The following OSBPL9 variants were observed in gnomAD, a reference collection of about 807,000 sequenced individuals.
OSBPL9 encodes oxysterol binding protein like 9, also known as oxysterol-binding protein-related protein 9.
OSBPL9 carries 40 observed loss-of-function variants against 106.6 expected under a neutral mutation model. The ratio of observed to expected loss-of-function variants is 0.38; its 90% CI spans 0.29 to 0.49. The LOEUF is 0.49. Ranked by LOEUF, OSBPL9 falls within the 20% of genes least tolerant of loss-of-function variation. The pLI, the probability that OSBPL9 is intolerant of heterozygous loss-of-function variation, is 0.97. For synonymous variants in OSBPL9, 269 were observed against 295.4 expected (o/e 0.91, Z 0.92); for missense variants, 609 against 887.2 (o/e 0.69, Z 3.98).
At chr1:51,576,765 G>A (rs914849257), upstream of OSBPL9, among the ~76,000 whole-genome samples, 1 of 152,236 alleles carries the variant, frequency 6.6e-6, no homozygotes, top group South Asian at 2.1e-4. Context: ...GGGCTCAAGC[G>A]ATCCTACTTC....
At chr1:51,761,255 G>GTTTTT (rs57352256) in intron 10 of OSBPL9, among the ~76,000 whole-genome samples, 6 of 136,888 alleles carry the variant, frequency 4.4e-5, no homozygotes, top group Non-Finnish European at 6.5e-5. Context: ...GTTTTGTTTT[G>GTTTTT]TTTTTTTTTT....
chr1:51,645,608 T>C (rs555535070), intron 1 of OSBPL9, among the ~76,000 whole-genome samples: 2 of 152,156 alleles, frequency 1.3e-5, no homozygotes, highest in South Asian at 4.1e-4. Flanking sequence ...TGTGATAGTG[T>C]TCTTTAAGGA....
At chr1:51,742,577 A>G (rs1042122828) in intron 4 of OSBPL9, among the ~76,000 whole-genome samples, 4 of 151,314 alleles carry the variant, frequency 2.6e-5, no homozygotes, top group Non-Finnish European at 5.9e-5. Flanking sequence ...AAAAAAAGTA[A>G]AATAAAAAAT....
chr1:51,715,645 C>G (rs1288070659), intron 4 of OSBPL9, among the ~76,000 whole-genome samples: 2 of 152,120 alleles, frequency 1.3e-5, no homozygotes, highest in Non-Finnish European at 2.9e-5. Context: ...ATTTCCCGCC[C>G]CCCCATTGTT....
intron 1 of OSBPL9, among the ~76,000 whole-genome samples, chr1:51,651,341 G>A (rs911330025): frequency 7.9e-5 from 12 of 152,060 alleles, no homozygotes; most frequent in Non-Finnish European, 1.8e-4. Flanking sequence ...GGTGACTCAC[G>A]CCTGTAATCA....
intron 11 of OSBPL9, among the ~76,000 whole-genome samples, chr1:51,764,342 TTC>T (rs1439033480): frequency 6.6e-6 from 1 of 152,206 alleles, no homozygotes; most frequent in African/African-American, 2.4e-5. Context: ...AAAGCTGCTT[TTC>T]TCTCTTACTT....
chr1:51,775,401 G>C (rs1023223130), intron 14 of OSBPL9, among the ~76,000 whole-genome samples: 2 of 151,068 alleles, frequency 1.3e-5, no homozygotes, highest in Admixed American at 6.6e-5. Context: ...CTTCTTTAAG[G>C]CTTTTCTCTA....
intron 1 of OSBPL9, among the ~76,000 whole-genome samples, chr1:51,627,918 A>G (rs1261701108): frequency 2.6e-5 from 4 of 152,042 alleles, no homozygotes; most frequent in Non-Finnish European, 5.9e-5. Flanking sequence ...TTTCGCTCTT[A>G]ATCTTAGCAC....
intron 1 of OSBPL9, among the ~76,000 whole-genome samples, chr1:51,649,621 G>C (rs1646382891): frequency 6.6e-6 from 1 of 151,426 alleles, no homozygotes; most frequent in East Asian, 1.9e-4. Flanking sequence ...GTTGAAACTT[G>C]AAACCTGATC....
the OSBPL9 span, among the ~76,000 whole-genome samples, chr1:51,539,099 C>G: frequency 6.6e-6 from 1 of 152,136 alleles, no homozygotes; most frequent in South Asian, 2.1e-4. Context: ...CATCTTTTTC[C>G]CAGACCTCTC....
chr1:51,578,682 C>G (rs530383140), intron 1 of OSBPL9, among the ~76,000 whole-genome samples: 13 of 152,152 alleles, frequency 8.5e-5, no homozygotes, highest in Non-Finnish European at 1.5e-4. Flanking sequence ...CTTCAAGAAA[C>G]GCTTATTGAG....
chr1:51,564,964 G>A, the OSBPL9 span, among the ~76,000 whole-genome samples: 1 of 152,144 alleles, frequency 6.6e-6, no homozygotes, highest in Non-Finnish European at 1.5e-5. Context: ...CAGCAACCCA[G>A]CCCCTTATTT....
chr1:51,690,451 T>A (rs979397209), intron 3 of OSBPL9, among the ~76,000 whole-genome samples: 2 of 152,226 alleles, frequency 1.3e-5, no homozygotes, highest in Non-Finnish European at 1.5e-5. Context: ...TTTGCCTGCA[T>A]TTTATCTGAC....
chr1:51,663,295 AGTGTGTGTGT>A (rs10544368), intron 2 of OSBPL9, among the ~76,000 whole-genome samples: 10,902 of 148,784 alleles, frequency 0.073, 544 homozygotes, highest in Non-Finnish European at 0.1. Flanking sequence ...TATGCTGGCA[AGTGTGTGTGT>A]GTGTGTGTGT....
chr1:51,780,763 T>C (rs1676189416), intron 15 of OSBPL9, among the ~76,000 whole-genome samples: 1 of 150,092 alleles, frequency 6.7e-6, no homozygotes, highest in African/African-American at 2.4e-5. Flanking sequence ...AGACTCCGTC[T>C]CAAAAAGAAA....
chr1:51,630,341 C>T (rs1317046547), intron 1 of OSBPL9, among the ~76,000 whole-genome samples: 6 of 152,034 alleles, frequency 3.9e-5, no homozygotes, highest in Admixed American at 3.9e-4. Flanking sequence ...AGTTTTATTT[C>T]TAAGGCCTTT....
chr1:51,614,218 C>G (rs980179580), upstream of OSBPL9: 4 of 152,166 alleles, frequency 2.6e-5, no homozygotes, highest in Non-Finnish European at 2.9e-5. Context: ...GCTGCTATCC[C>G]TTTCAGATAT....
Position 51,729,882 on chromosome 1 carries a change from C to T in OSBPL9, c.319-15654C>T. On this transcript the variant is annotated intron_variant, in intron 4 of 23. Transcript: ENST00000428468. The surrounding 1 kb of genome is among the most constrained non-coding windows in gnomAD (Gnocchi z 5.1). ...AGTCAGGACCGCCTGCACCGCAGTC[C>T]GGGGATCGGGTCGAGGGGAGAAGAA... 3.2e-6 allele frequency: 4 copies of T among 1,258,340 alleles called. No homozygotes were observed. The highest frequency in any genetic ancestry group is 3.1e-5 in the East Asian group (1 of 32,368). The allele number at this position is 1,258,340 out of a possible 1,614,324, so 77.9% of individuals were successfully genotyped here.
At chr1:51,611,178 C>T (rs1643984631) in intron 2 of OSBPL9, among the ~76,000 whole-genome samples, 2 of 152,030 alleles carry the variant, frequency 1.3e-5, no homozygotes, top group South Asian at 4.1e-4. Flanking sequence ...CTCTCTTTTG[C>T]CTGAAAATCA....
Sources: gnomAD v4.1 joint callset for allele counts (sites outside exome capture counted in the v4.1 genomes callset) on GRCh38, gnomAD v4.1.1 for gene constraint, Gnocchi (gnomAD v3.1) non-coding constraint, MANE v1.5 for transcripts, NCBI Gene and HGNC (gene_info 2026-07-23, HGNC 2026-07-21) for gene names.